Variants in ST6GALNAC3 observed in about 807,000 individuals in gnomAD.
ST6GALNAC3 encodes alpha-N-acetylgalactosaminide alpha-2,6-sialyltransferase 3.
A neutral mutation model predicts 32.7 loss-of-function variants in ST6GALNAC3; 25 were observed. The observed-to-expected ratio is 0.76, with a 90% CI of 0.56 to 1.07. The LOEUF is 1.07. ST6GALNAC3 is among the 50% of genes least tolerant of loss of function. ST6GALNAC3 has a pLI of 0.00. For missense variants in ST6GALNAC3, 355 were observed against 382.4 expected, an observed-to-expected ratio of 0.93 and a Z score of 0.60; for synonymous variants, 129 against 133.1, an observed-to-expected ratio of 0.97 and a Z score of 0.21.
intron 1 of ST6GALNAC3, among the ~76,000 whole-genome samples, chr1:76,290,552 T>G: frequency 6.6e-6 from 1 of 152,164 alleles, no homozygotes; most frequent in East Asian, 1.9e-4. Flanking sequence ...CTACAGCTGC[T>G]CATTGAGGCA....
intron 1 of ST6GALNAC3, among the ~76,000 whole-genome samples, chr1:76,142,344 A>G (rs1380858250): frequency 6.6e-6 from 1 of 152,154 alleles, no homozygotes; most frequent in Non-Finnish European, 1.5e-5. Context: ...TCTAGAAAGC[A>G]TATTTGTCTC....
chr1:76,294,346 G>C (rs964148064), intron 1 of ST6GALNAC3, among the ~76,000 whole-genome samples: 11 of 151,018 alleles, frequency 7.3e-5, no homozygotes, highest in Admixed American at 4.6e-4. Flanking sequence ...TTTTTGGTCT[G>C]AGCATATTTT....
chr1:76,210,313 T>C (rs1404248150), intron 1 of ST6GALNAC3, among the ~76,000 whole-genome samples: 1 of 152,218 alleles, frequency 6.6e-6, no homozygotes, highest in African/African-American at 2.4e-5. Flanking sequence ...CCTTAGTTTT[T>C]TTGGGTTTTC....
intron 3 of ST6GALNAC3, among the ~76,000 whole-genome samples, chr1:76,468,015 A>T (rs1307633158): frequency 6.6e-6 from 1 of 151,756 alleles, no homozygotes; most frequent in Admixed American, 6.6e-5. Flanking sequence ...TTACTCTCTT[A>T]TATTTTCTTT....
At chr1:76,077,627 A>T (rs989440141) in intron 1 of ST6GALNAC3, among the ~76,000 whole-genome samples, 5 of 152,146 alleles carry the variant, frequency 3.3e-5, no homozygotes, top group Non-Finnish European at 7.3e-5. Flanking sequence ...GGGAAAACTA[A>T]TGGAAAATAG....
rs1031932443 is a variant in ST6GALNAC3 at position 76,629,416 on chromosome 1, A to T, written c.*610A>T. The T allele has an allele frequency of 6.1e-6, 6 of 985,526 alleles. No homozygotes were observed. Among genetic ancestry groups the T allele is most frequent in the Non-Finnish European group, 7.2e-6 (6 of 829,850 alleles). The allele number at this position is 985,526 out of a possible 1,614,324, so 61.0% of individuals were successfully genotyped here. ...ACAATGAAGATTTCATGGACATCCT[A>T]CACTTCAGGATTACTTGACTATCTC... On this transcript the variant is annotated 3_prime_UTR_variant, in exon 5 of 5. Transcript: ENST00000328299.
chr1:76,363,600 C>A (rs4622117), intron 2 of ST6GALNAC3, among the ~76,000 whole-genome samples: 150,132 of 152,296 alleles, frequency 0.99, 74,044 homozygotes, highest in Middle Eastern at 1. Flanking sequence ...ATTCTGTATT[C>A]ATTTTATGTA....
chr1:76,118,997 AT>A (rs1278523495), intron 1 of ST6GALNAC3, among the ~76,000 whole-genome samples: 1 of 151,988 alleles, frequency 6.6e-6, no homozygotes, highest in African/African-American at 2.4e-5. Flanking sequence ...TAATTTTTGT[AT>A]TTTTAGTAGA....
chr1:76,375,702 G>A (rs554326983), intron 2 of ST6GALNAC3, among the ~76,000 whole-genome samples: 1 of 152,134 alleles, frequency 6.6e-6, no homozygotes, highest in African/African-American at 2.4e-5. Context: ...GCTTACAGTA[G>A]GAAATATTTG....
At chr1:76,207,840 C>A (rs1446272534) in intron 1 of ST6GALNAC3, among the ~76,000 whole-genome samples, 3 of 152,156 alleles carry the variant, frequency 2.0e-5, no homozygotes, top group Non-Finnish European at 4.4e-5. Flanking sequence ...GTATTGATTC[C>A]CATAGTCCAT....
intron 3 of ST6GALNAC3, among the ~76,000 whole-genome samples, chr1:76,584,496 G>T (rs1393841395): frequency 6.6e-6 from 1 of 152,188 alleles, no homozygotes; most frequent in Admixed American, 6.5e-5. Flanking sequence ...TAATTGTAGG[G>T]TTCCAGGAAA....
chr1:76,512,119 C>T (rs1661898949), intron 3 of ST6GALNAC3, among the ~76,000 whole-genome samples: 1 of 152,136 alleles, frequency 6.6e-6, no homozygotes, highest in African/African-American at 2.4e-5. Flanking sequence ...GCTCCCATAA[C>T]ATAATTTCTT....
At chr1:76,578,949 A>G (rs559709682) in intron 3 of ST6GALNAC3, among the ~76,000 whole-genome samples, 1 of 152,160 alleles carries the variant, frequency 6.6e-6, no homozygotes, top group East Asian at 1.9e-4. Flanking sequence ...TTCTACACAA[A>G]TGCACTGAGG....
intron 2 of ST6GALNAC3, among the ~76,000 whole-genome samples, chr1:76,392,048 G>T (rs1652604964): frequency 6.6e-6 from 1 of 152,146 alleles, no homozygotes; most frequent in Admixed American, 6.5e-5. Context: ...TTCGTTGTGG[G>T]TAGGGGGCTG....
intron 3 of ST6GALNAC3, among the ~76,000 whole-genome samples, chr1:76,598,069 G>T (rs1404746374): frequency 6.6e-6 from 1 of 152,134 alleles, no homozygotes; most frequent in East Asian, 1.9e-4. Flanking sequence ...ATTCTCTGGT[G>T]AGGACCTGCT....
chr1:76,230,333 T>C (rs1656300192), intron 1 of ST6GALNAC3, among the ~76,000 whole-genome samples: 1 of 152,188 alleles, frequency 6.6e-6, no homozygotes, highest in African/African-American at 2.4e-5. Flanking sequence ...CTGTGTTCTC[T>C]CTGTTATTAC....
intron 3 of ST6GALNAC3, among the ~76,000 whole-genome samples, chr1:76,423,240 G>A (rs537627511): frequency 1.2e-4 from 18 of 151,808 alleles, no homozygotes; most frequent in Non-Finnish European, 2.5e-4. Context: ...ATCTGGGTGA[G>A]GTAGTTATCT....
chr1:76,372,391 A>G (rs1446025968), intron 2 of ST6GALNAC3, among the ~76,000 whole-genome samples: 1 of 152,086 alleles, frequency 6.6e-6, no homozygotes, highest in Non-Finnish European at 1.5e-5. Context: ...CACACATTGT[A>G]TTGCAGTATT....
At chr1:76,524,303 A>C (rs1662733027) in intron 3 of ST6GALNAC3, among the ~76,000 whole-genome samples, 1 of 152,172 alleles carries the variant, frequency 6.6e-6, no homozygotes, top group South Asian at 2.1e-4. Context: ...ATAGGTGAAC[A>C]TGTCCCTTCA....
Sources: allele counts gnomAD v4.1 joint callset (sites outside exome capture counted in the v4.1 genomes callset), GRCh38; gene constraint gnomAD v4.1.1; transcripts MANE v1.5; gene names NCBI Gene and HGNC (gene_info 2026-07-23, HGNC 2026-07-21).